Variants in PCDHGA7 observed in about 807,000 individuals in gnomAD.
PCDHGA7 encodes protocadherin gamma-A7.
A neutral mutation model predicts 58.3 loss-of-function variants in PCDHGA7; 44 were observed. The ratio of observed to expected loss-of-function variants is 0.75; its 90% CI spans 0.59 to 0.97. The LOEUF (loss-of-function observed/expected upper bound fraction) is 0.97. Among genes scored for constraint, PCDHGA7 ranks in the 50% least tolerant of loss-of-function variants. PCDHGA7 has a pLI of 0.00. For missense variants in PCDHGA7, 1,266 were observed against 1,188.7 expected (o/e 1.06, Z -0.96); for synonymous variants, 516 against 504.2 (o/e 1.02, Z -0.31).
At chr5:141,402,096 A>G (rs1343417374) in intron 1 of PCDHGA7, among the ~76,000 whole-genome samples, 2 of 152,226 alleles carry the variant, frequency 1.3e-5, no homozygotes, top group Non-Finnish European at 2.9e-5. Context: ...GAAAAGTTTA[A>G]GCAATTACAA....
intron 1 of PCDHGA7, chr5:141,427,524 C>T (rs1421119651): frequency 1.6e-6 from 1 of 610,726 alleles, no homozygotes; most frequent in South Asian, 1.5e-5. Flanking sequence ...GGAGCGGATC[C>T]CGGAGTACAA....
At chr5:141,482,667 G>C (rs2099569914) in intron 1 of PCDHGA7, among the ~76,000 whole-genome samples, 1 of 151,094 alleles carries the variant, frequency 6.6e-6, no homozygotes, top group Admixed American at 6.6e-5. Context: ...ATGATCTAAA[G>C]GTTGAGTAGT....
chr5:141,476,053 A>G lies in PCDHGA7; in HGVS notation c.2425-18754A>G. 2 of 1,501,944 alleles carry G rather than the reference A, an allele frequency of 1.3e-6. No homozygotes were observed. Among genetic ancestry groups the G allele is most frequent in the Non-Finnish European group, 1.8e-6 (2 of 1,131,392 alleles). 93.0% of individuals were successfully genotyped at this position (1,501,944 alleles called of 1,614,324 possible). ...CAGCGCCCAAGCGCTAACCCGCTGA[A>G]AGTTTCTCAGCGAAATCTCAGGGAC... On this transcript the variant is annotated intron_variant, in intron 1 of 3. Coordinates refer to ENST00000518325, the MANE Select transcript of PCDHGA7 (RefSeq NM_018920.4). The surrounding 1 kb of genome is among the most constrained non-coding windows in gnomAD (Gnocchi z 7.6).
At chr5:141,422,209 C>G (rs1463323983) in intron 1 of PCDHGA7, 1 of 1,561,666 alleles carries the variant, frequency 6.4e-7, no homozygotes, top group East Asian at 2.2e-5. Context: ...TGGTGGAGGT[C>G]TCTTTACCAC....
chr5:141,444,008 A>G (rs2098413646), intron 1 of PCDHGA7, among the ~76,000 whole-genome samples: 2 of 152,140 alleles, frequency 1.3e-5, no homozygotes, highest in Non-Finnish European at 2.9e-5. Context: ...CTACCTGGGT[A>G]TTGGCTTCTA....
intron 2 of PCDHGA7, among the ~76,000 whole-genome samples, chr5:141,504,506 A>T (rs575756846): frequency 1.3e-5 from 2 of 152,096 alleles, no homozygotes; most frequent in African/African-American, 4.8e-5. Context: ...GTCTGAGTGG[A>T]TCTCCTCTGA....
chr5:141,471,080 C>T (rs2099249652), intron 1 of PCDHGA7, among the ~76,000 whole-genome samples: 1 of 147,610 alleles, frequency 6.8e-6, no homozygotes, highest in African/African-American at 2.5e-5. Context: ...ACAGGGTCTC[C>T]CTCTGTTGTC....
intron 1 of PCDHGA7, chr5:141,418,643 C>A (rs188546091): frequency 2.9e-5 from 46 of 1,614,022 alleles, no homozygotes; most frequent in Admixed American, 6.7e-5. Context: ...CACCTCCATC[C>A]TGAGAGTGAA....
At position 141,487,501 on chromosome 5, in the gene PCDHGA7, T is replaced by C. The variant is rs746285663; in HGVS notation, c.2425-7306T>C. 1.2e-6 allele frequency: 2 copies of C among 1,614,232 alleles called. No individual in the cohort carries two copies. The highest frequency in any genetic ancestry group is 3.3e-5 in the Admixed American group (2 of 60,028). ...ACTCTCATGGCTGTACACCCTTGGC[T>C]TCTGCACCCACTCGGAGTGATAGCT... On this transcript the variant is annotated intron_variant, in intron 1 of 3. Coordinates refer to ENST00000518325, the MANE Select transcript of PCDHGA7 (RefSeq NM_018920.4). The surrounding 1 kb of genome is among the most constrained non-coding windows in gnomAD (Gnocchi z 5.0).
intron 1 of PCDHGA7, chr5:141,418,301 C>T: frequency 6.2e-7 from 1 of 1,613,980 alleles, no homozygotes; most frequent in South Asian, 1.1e-5. Context: ...ATCCGTCAGC[C>T]TGGGGATGGG....
intron 1 of PCDHGA7, chr5:141,389,438 C>T (rs781427097): frequency 6.2e-7 from 1 of 1,610,592 alleles, no homozygotes; most frequent in South Asian, 1.1e-5. Flanking sequence ...AGCGCGCCTT[C>T]GACCACGAGC....
At position 141,382,757 on chromosome 5, in the gene PCDHGA7, C is replaced by T; in HGVS notation, c.-143C>T. 2 of 657,638 alleles carry T rather than the reference C, an allele frequency of 3.0e-6. No individual in the cohort carries two copies. The highest frequency in any genetic ancestry group is 2.7e-5 in the East Asian group (1 of 37,410). 40.7% of individuals were successfully genotyped at this position (657,638 alleles called of 1,614,324 possible). ...GAGAAACGACAGATTGCGATAAGCC[C>T]TCTTCCAGGCTGCACTAAACTCAAG... On this transcript the variant is annotated 5_prime_UTR_variant, in exon 1 of 4. Transcript: ENST00000518325.
rs369886570 is a variant in PCDHGA7 at position 141,487,839 on chromosome 5, G to A, written c.2425-6968G>A. ...GGGGGCGGGTCATGCCTATATCTGAGTAAGAAATGAAAGTAATTGGTGATC... is the reference window on the plus strand; with the variant it reads ...GGGGGCGGGTCATGCCTATATCTGAATAAGAAATGAAAGTAATTGGTGATC... On this transcript the variant is annotated intron_variant, in intron 1 of 3. Transcript: ENST00000518325. The surrounding 1 kb of genome is among the most constrained non-coding windows in gnomAD (Gnocchi z 5.0). The A allele has an allele frequency of 2.7e-6, 3 of 1,103,412 alleles. No homozygotes were observed. Among genetic ancestry groups the A allele is most frequent in the African/African-American group, 1.6e-5 (1 of 63,054 alleles). The allele number at this position is 1,103,412 out of a possible 1,614,324, so 68.4% of individuals were successfully genotyped here.
chr5:141,450,119 G>A (rs765403319), intron 1 of PCDHGA7, among the ~76,000 whole-genome samples: 2 of 148,920 alleles, frequency 1.3e-5, no homozygotes, highest in Non-Finnish European at 3.0e-5. Context: ...TGATTCTCCT[G>A]CCTTAGCCTC....
chr5:141,510,802 C>T (rs1358684730), intron 3 of PCDHGA7, 145 bp from the exon 4 acceptor site: 1 of 1,497,192 alleles, frequency 6.7e-7, no homozygotes, highest in African/African-American at 1.4e-5. Context: ...AGAGAGACTA[C>T]CTTGGTGACC....
intron 1 of PCDHGA7, among the ~76,000 whole-genome samples, chr5:141,445,609 T>A (rs900534761): frequency 1.3e-5 from 2 of 152,220 alleles, no homozygotes; most frequent in African/African-American, 4.8e-5. Flanking sequence ...CAAGGAAGGC[T>A]TTCTTTTTTT....
At chr5:141,385,577 T>A in intron 1 of PCDHGA7, 1 of 1,290,108 alleles carries the variant, frequency 7.8e-7, no homozygotes, top group Non-Finnish European at 9.8e-7. Context: ...TACTTTCCAA[T>A]CTATGTTCCA....
chr5:141,406,781 T>C (rs1054583306), intron 1 of PCDHGA7, among the ~76,000 whole-genome samples: 4 of 152,218 alleles, frequency 2.6e-5, no homozygotes, highest in Non-Finnish European at 5.9e-5. Context: ...CTCTCACTTA[T>C]ATATTATTTC....
intron 1 of PCDHGA7, chr5:141,395,508 A>T: frequency 2.2e-6 from 1 of 461,184 alleles, no homozygotes. Context: ...CTTAAGAAGT[A>T]GCTACCCGTC....
Sources: gnomAD v4.1 joint callset for allele counts (sites outside exome capture counted in the v4.1 genomes callset) on GRCh38, gnomAD v4.1.1 for gene constraint, Gnocchi (gnomAD v3.1) non-coding constraint, MANE v1.5 for transcripts, NCBI Gene and HGNC (gene_info 2026-07-23, HGNC 2026-07-21) for gene names.